Variants in FHIT observed in about 807,000 individuals in gnomAD.
FHIT encodes the protein bis(5'-adenosyl)-triphosphatase.
A neutral mutation model predicts 17.9 loss-of-function variants in FHIT; 19 were observed. The observed-to-expected ratio is 1.06, with a 90% CI of 0.74 to 1.56. FHIT has a LOEUF of 1.56. FHIT is among the 40% of genes most tolerant of loss of function. The probability of loss-of-function intolerance (pLI) is 0.00; values close to 1 mark genes in which losing one functional copy is unlikely to be tolerated. For synonymous variants in FHIT, 81 were observed against 69.7 expected, an observed-to-expected ratio of 1.16 and a Z score of -0.81; for missense variants, 248 against 189.2, an observed-to-expected ratio of 1.31 and a Z score of -1.82.
chr3:60,983,084 C>A (rs1710560116), intron 3 of FHIT, among the ~76,000 whole-genome samples: 1 of 152,038 alleles, frequency 6.6e-6, no homozygotes, highest in African/African-American at 2.4e-5. Context: ...AGATATTTAA[C>A]TAAGTAACCT....
At chr3:60,273,965 T>C (rs531549595) in intron 5 of FHIT, among the ~76,000 whole-genome samples, 1 of 151,860 alleles carries the variant, frequency 6.6e-6, no homozygotes, top group East Asian at 1.9e-4. Flanking sequence ...ATTAAAATAA[T>C]TAATATTTAA....
intron 5 of FHIT, among the ~76,000 whole-genome samples, chr3:60,043,164 C>T (rs932651095): frequency 2.6e-5 from 4 of 152,210 alleles, no homozygotes; most frequent in Non-Finnish European, 5.9e-5. Context: ...AGCAGCAACA[C>T]CAACAGCTGC....
At chr3:60,545,527 C>T (rs2107614753) in intron 4 of FHIT, among the ~76,000 whole-genome samples, 1 of 152,312 alleles carries the variant, frequency 6.6e-6, no homozygotes, top group Admixed American at 6.5e-5. Flanking sequence ...ATTCCATTAG[C>T]TCTATCTCTC....
intron 5 of FHIT, among the ~76,000 whole-genome samples, chr3:60,273,692 A>T (rs576708348): frequency 2.0e-3 from 303 of 152,276 alleles, no homozygotes; most frequent in African/African-American, 6.2e-3. Flanking sequence ...CAATAAACAA[A>T]ATGACAATAA....
chr3:60,591,750 G>A (rs893080488), intron 4 of FHIT, among the ~76,000 whole-genome samples: 3 of 151,990 alleles, frequency 2.0e-5, no homozygotes, highest in Admixed American at 6.6e-5. Context: ...TCAAATACAC[G>A]GCAGAAGAGG....
At chr3:60,445,407 T>C (rs767493643) in intron 5 of FHIT, among the ~76,000 whole-genome samples, 12 of 151,960 alleles carry the variant, frequency 7.9e-5, no homozygotes, top group Non-Finnish European at 1.6e-4. Context: ...GATACGTTTC[T>C]TACCAAAGGT....
Position 60,549,702 on chromosome 3 carries a change from T to C in FHIT, c.-17-12723A>G, listed in dbSNP as rs141335057. ...TACAACATAAAGGGAAATAACTTCT[T>C]CTAAATGTCCTAGATAAAACAATCT... is the stretch of plus-strand genomic sequence containing the variant. On this transcript the variant is annotated intron_variant, in intron 4 of 9. Transcript: ENST00000492590. Among the ~76,000 whole-genome samples, 266 of 152,274 alleles carry C rather than the reference T, an allele frequency of 1.7e-3. 11 individuals carry two copies. In the East Asian group the frequency reaches 0.04, roughly 23 times the overall value.
chr3:60,593,749 T>C (rs543503537), intron 4 of FHIT, among the ~76,000 whole-genome samples: 20 of 152,148 alleles, frequency 1.3e-4, no homozygotes, highest in African/African-American at 4.3e-4. Context: ...TAGGAACAAA[T>C]TGCCCTTTCT....
Position 60,064,840 on chromosome 3 carries a change from G to A in FHIT, c.104-50688C>T, listed in dbSNP as rs182033621. Among the ~76,000 whole-genome samples the A allele has an allele frequency of 1.6e-4, 25 of 152,186 alleles. 1 individual carries two copies. In the East Asian group the frequency reaches 4.1e-3, roughly 25 times the overall value. ...TGACACATGCTGTGTTAGGCACTTC[G>A]CAAGTATTATCTCATTTACTTCTCA... On this transcript the variant is annotated intron_variant, in intron 5 of 9. Coordinates refer to ENST00000492590, the MANE Select transcript of FHIT (RefSeq NM_002012.4).
intron 8 of FHIT, among the ~76,000 whole-genome samples, chr3:59,767,318 G>A (rs1701849564): frequency 6.6e-6 from 1 of 152,174 alleles, no homozygotes. Flanking sequence ...GGCCAACATG[G>A]TGACACCCTA....
intron 5 of FHIT, among the ~76,000 whole-genome samples, chr3:60,281,876 G>A (rs1352476142): frequency 1.3e-5 from 2 of 152,096 alleles, no homozygotes; most frequent in East Asian, 1.9e-4. Context: ...ACTGTTAAGA[G>A]AATGAAAGGA....
intron 4 of FHIT, among the ~76,000 whole-genome samples, chr3:60,571,707 A>G (rs2037391260): frequency 6.6e-6 from 1 of 152,168 alleles, no homozygotes; most frequent in African/African-American, 2.4e-5. Context: ...TTATCATTAC[A>G]ATAGAGCTAC....
chr3:59,971,220 T>A (rs954967176), intron 7 of FHIT, among the ~76,000 whole-genome samples: 1 of 152,164 alleles, frequency 6.6e-6, no homozygotes, highest in Non-Finnish European at 1.5e-5. Flanking sequence ...TTGAAAGTAG[T>A]CGGCTTTACA....
intron 5 of FHIT, among the ~76,000 whole-genome samples, chr3:60,292,436 G>A (rs1272908958): frequency 1.3e-5 from 2 of 152,056 alleles, no homozygotes; most frequent in African/African-American, 2.4e-5. Context: ...AATCAGGGGT[G>A]TCCTCCTAAC....
At chr3:60,543,084 G>T (rs1373431794) in intron 4 of FHIT, among the ~76,000 whole-genome samples, 2 of 152,082 alleles carry the variant, frequency 1.3e-5, no homozygotes, top group South Asian at 4.1e-4. Context: ...TAGAACAAAG[G>T]TCGCACATTT....
chr3:60,966,557 A>G (rs527511193), intron 3 of FHIT, among the ~76,000 whole-genome samples: 1 of 152,340 alleles, frequency 6.6e-6, no homozygotes, highest in South Asian at 2.1e-4. Context: ...CTATTCAGCC[A>G]TCTTGGAACC....
At chr3:59,958,743 A>T (rs773243459) in intron 7 of FHIT, among the ~76,000 whole-genome samples, 9 of 152,190 alleles carry the variant, frequency 5.9e-5, no homozygotes, top group Admixed American at 1.3e-4. Flanking sequence ...ATGTCACTAA[A>T]GTCTCTTCCG....
rs1404198782 is a variant in FHIT at position 59,749,373 on chromosome 3, ATCTGCCTGTCTGAGCCGTT to A, written c.*193_*211del. The A allele has an allele frequency of 8.6e-6, 2 of 231,266 alleles. No homozygotes were observed. Among genetic ancestry groups the A allele is most frequent in the Non-Finnish European group, 1.7e-5 (2 of 117,004 alleles). 14.3% of individuals were successfully genotyped at this position (231,266 alleles called of 1,614,324 possible). ...ATAAGGAGACAGGGGGAAACCTCAA[ATCTGCCTGTCTGAGCCGTT>A]TAGGTCTAGGTATTTTAAGGGAGTT... On this transcript the variant is annotated 3_prime_UTR_variant, in exon 10 of 10. Coordinates refer to ENST00000492590, the MANE Select transcript of FHIT (RefSeq NM_002012.4).
intron 2 of FHIT, among the ~76,000 whole-genome samples, chr3:61,047,371 C>G (rs1262438002): frequency 6.6e-6 from 1 of 152,154 alleles, no homozygotes; most frequent in Non-Finnish European, 1.5e-5. Context: ...TGAGTGAACT[C>G]CCATTCTCAA....
Sources: allele counts gnomAD v4.1 joint callset (sites outside exome capture counted in the v4.1 genomes callset), GRCh38; gene constraint gnomAD v4.1.1; transcripts MANE v1.5; gene names NCBI Gene and HGNC (gene_info 2026-07-23, HGNC 2026-07-21).